Variants in CAMTA1 observed in about 807,000 individuals in gnomAD.
CAMTA1 encodes the protein calmodulin-binding transcription activator 1.
In CAMTA1, 27 loss-of-function variants were observed where a neutral mutation model predicts 170.9. The ratio of observed to expected loss-of-function variants is 0.16; its 90% CI spans 0.12 to 0.22. The LOEUF (loss-of-function observed/expected upper bound fraction) is 0.22, where lower values mean the gene tolerates loss of function less well. Among genes scored for constraint, CAMTA1 ranks in the 10% least tolerant of loss-of-function variants. The pLI is 1.00. For synonymous variants in CAMTA1, 833 were observed against 891.5 expected (o/e 0.93, Z 1.17); for missense variants, 1,619 against 2,217.2 (o/e 0.73, Z 5.42).
intron 3 of CAMTA1, among the ~76,000 whole-genome samples, chr1:6,843,846 G>A (rs1422156139): frequency 1.3e-5 from 2 of 152,266 alleles, no homozygotes; most frequent in South Asian, 2.1e-4. Flanking sequence ...TAATTTAGAT[G>A]CCCTTATACA....
chr1:7,432,089 G>A (rs1441777277), intron 5 of CAMTA1, among the ~76,000 whole-genome samples: 2 of 152,208 alleles, frequency 1.3e-5, no homozygotes, highest in Non-Finnish European at 1.5e-5. Context: ...ATCGAACAAC[G>A]CTGACAAAGT....
At chr1:7,460,618 C>T (rs1183677342) in intron 5 of CAMTA1, among the ~76,000 whole-genome samples, 2 of 151,814 alleles carry the variant, frequency 1.3e-5, no homozygotes, top group Non-Finnish European at 2.9e-5. Context: ...AGCCTGCCCC[C>T]AGTTCTGCCT....
At chr1:6,952,635 C>T (rs1181966751) in intron 3 of CAMTA1, among the ~76,000 whole-genome samples, 1 of 151,854 alleles carries the variant, frequency 6.6e-6, no homozygotes, top group Non-Finnish European at 1.5e-5. Context: ...GAGTTGGAGA[C>T]CAGCCTGGCC....
intron 9 of CAMTA1, among the ~76,000 whole-genome samples, chr1:7,668,103 G>A (rs988111115): frequency 6.6e-6 from 1 of 152,164 alleles, no homozygotes; most frequent in Non-Finnish European, 1.5e-5. Context: ...TCTGTGCACT[G>A]ACTGCATCAG....
chr1:6,988,204 G>A (rs1462594020), intron 3 of CAMTA1, among the ~76,000 whole-genome samples: 1 of 152,144 alleles, frequency 6.6e-6, no homozygotes, highest in Non-Finnish European at 1.5e-5. Context: ...TGGGGAGGTG[G>A]TGCGGGTGCG....
chr1:7,001,329 C>T lies in CAMTA1; in HGVS notation c.235-89975C>T, dbSNP rs546629689. Reference sequence around the variant, plus strand: ...TATTTGTCAAGTGAACAAATGACACCGTTAGTAACCCTACCTCTGAATCCC... The same window carrying T: ...TATTTGTCAAGTGAACAAATGACACTGTTAGTAACCCTACCTCTGAATCCC... On this transcript the variant is annotated intron_variant, in intron 3 of 22. Transcript: ENST00000303635. 9.7e-4 allele frequency among the ~76,000 whole-genome samples: 148 copies of T among 152,298 alleles called. 1 individual carries two copies. Among genetic ancestry groups the T allele is most frequent in the African/African-American group, 3.3e-3 (136 of 41,562 alleles).
At chr1:6,847,737 T>C (rs71631804) in intron 3 of CAMTA1, among the ~76,000 whole-genome samples, 7,166 of 142,222 alleles carry the variant, frequency 0.05, 232 homozygotes, top group Middle Eastern at 0.091. Flanking sequence ...GGAGTCCCCC[T>C]CTGTCACCCA....
intron 5 of CAMTA1, among the ~76,000 whole-genome samples, chr1:7,390,228 C>T (rs1052358213): frequency 9.2e-5 from 14 of 152,174 alleles, no homozygotes; most frequent in African/African-American, 2.9e-4. Context: ...TTAAGCAAAG[C>T]GAGCTTAGGG....
intron 6 of CAMTA1, among the ~76,000 whole-genome samples, chr1:7,499,412 TAG>T (rs1185566399): frequency 4.9e-5 from 5 of 101,660 alleles, no homozygotes; most frequent in Admixed American, 9.8e-5. Flanking sequence ...CATGAGTGTG[TAG>T]AGAGGATTGT....
intron 3 of CAMTA1, among the ~76,000 whole-genome samples, chr1:7,088,514 C>T (rs1303663361): frequency 6.6e-6 from 1 of 152,188 alleles, no homozygotes; most frequent in African/African-American, 2.4e-5. Flanking sequence ...AGTAGATGCT[C>T]AGTAAGTGTT....
rs545486818 is a variant in CAMTA1, at chr1:7,113,046, C to G, written c.302+21675C>G. 7.9e-5 allele frequency among the ~76,000 whole-genome samples: 12 copies of G among 152,342 alleles called. No homozygotes were observed. The highest frequency in any genetic ancestry group is 2.6e-4 in the African/African-American group (11 of 41,562). ...GGTACTCTGGTTCCATCTCTTCCGG[C>G]CTTTGCATGTGGGGCTCTCAGTTTA... On this transcript the variant is annotated intron_variant, in intron 4 of 22. Coordinates refer to ENST00000303635, the MANE Select transcript of CAMTA1 (RefSeq NM_015215.4). This position sits in a 1 kb window ranked among gnomAD's most constrained non-coding sequence, Gnocchi z 4.5.
intron 3 of CAMTA1, among the ~76,000 whole-genome samples, chr1:6,877,202 C>T (rs1018635003): frequency 7.2e-5 from 11 of 152,214 alleles, no homozygotes; most frequent in African/African-American, 2.7e-4. Flanking sequence ...TGCGCTCCCC[C>T]TCCCATGGAA....
At chr1:7,226,843 T>G (rs369251430) in intron 4 of CAMTA1, among the ~76,000 whole-genome samples, 1 of 152,180 alleles carries the variant, frequency 6.6e-6, no homozygotes, top group Non-Finnish European at 1.5e-5. Flanking sequence ...ATTTTTTATT[T>G]TTTTTTTGAG....
At chr1:7,034,153 T>C (rs1703219801) in intron 3 of CAMTA1, among the ~76,000 whole-genome samples, 2 of 151,602 alleles carry the variant, frequency 1.3e-5, no homozygotes, top group South Asian at 4.2e-4. Flanking sequence ...ACAGTGATTG[T>C]TGTTTTGTTT....
intron 11 of CAMTA1, among the ~76,000 whole-genome samples, chr1:7,709,398 G>C (rs536030057): frequency 3.7e-4 from 57 of 152,198 alleles, no homozygotes; most frequent in Non-Finnish European, 1.2e-4. Flanking sequence ...ATCCTACTCC[G>C]TGCCTTTGGT....
chr1:6,791,215 G>A (rs577907791), intron 1 of CAMTA1, among the ~76,000 whole-genome samples: 1 of 150,908 alleles, frequency 6.6e-6, no homozygotes, highest in Non-Finnish European at 1.5e-5. Context: ...CACATAGAGA[G>A]GTTTCTTCAC....
intron 3 of CAMTA1, among the ~76,000 whole-genome samples, chr1:6,988,719 G>A (rs1317017): frequency 0.28 from 43,028 of 152,060 alleles, 6,174 homozygotes; most frequent in Non-Finnish European, 0.31. Context: ...TGGGCCGCAT[G>A]TGGATGAGCA....
intron 4 of CAMTA1, among the ~76,000 whole-genome samples, chr1:7,104,726 G>A (rs1334200090): frequency 6.6e-6 from 1 of 152,202 alleles, no homozygotes; most frequent in Non-Finnish European, 1.5e-5. Context: ...GGCTTCAGGA[G>A]AGAAAGTGGT....
intron 3 of CAMTA1, among the ~76,000 whole-genome samples, chr1:6,999,945 G>C (rs1487189704): frequency 6.6e-6 from 1 of 152,210 alleles, no homozygotes; most frequent in Non-Finnish European, 1.5e-5. Context: ...TCTTTTCTGA[G>C]AGCTGCCAGC....
Sources: allele counts gnomAD v4.1 joint callset (sites outside exome capture counted in the v4.1 genomes callset), GRCh38; gene constraint gnomAD v4.1.1; non-coding constraint Gnocchi (gnomAD v3.1); transcripts MANE v1.5; gene names NCBI Gene and HGNC (gene_info 2026-07-23, HGNC 2026-07-21).